FNDC3A: variants seen among roughly 807,000 people sequenced by gnomAD.
The protein encoded by FNDC3A is fibronectin type-III domain-containing protein 3A.
In FNDC3A, 32 loss-of-function variants were observed where a neutral mutation model predicts 148.9. That is an observed-to-expected ratio of 0.21 (90% CI 0.16 to 0.29). The LOEUF (loss-of-function observed/expected upper bound fraction) is 0.29, where lower values mean the gene tolerates loss of function less well. FNDC3A is among the 10% of genes least tolerant of loss of function. FNDC3A has a pLI of 1.00. For missense variants in FNDC3A, 1,191 were observed against 1,452.8 expected, an observed-to-expected ratio of 0.82 and a Z score of 2.93; for synonymous variants, 472 against 473.6, an observed-to-expected ratio of 1.00 and a Z score of 0.04.
chr13:49,152,154 T>C (rs1883340089), intron 8 of FNDC3A, among the ~76,000 whole-genome samples: 1 of 152,210 alleles, frequency 6.6e-6, no homozygotes. Context: ...ATCACCACAC[T>C]GTCTTCCACA....
At chr13:49,136,716 G>C in intron 6 of FNDC3A, 115 bp downstream of exon 6, 2 of 1,012,406 alleles carry the variant, frequency 2.0e-6, no homozygotes, top group African/African-American at 3.2e-5. Context: ...GACTGTTACA[G>C]GCTGCTGCTT....
intron 8 of FNDC3A, among the ~76,000 whole-genome samples, chr13:49,165,368 G>A (rs139266501): frequency 6.4e-4 from 98 of 152,294 alleles, no homozygotes; most frequent in Non-Finnish European, 9.3e-4. Context: ...TGTTGGTTGG[G>A]TAGAACACTT....
At chr13:49,102,281 G>A (rs959658563) in intron 3 of FNDC3A, among the ~76,000 whole-genome samples, 3 of 151,866 alleles carry the variant, frequency 2.0e-5, no homozygotes, top group African/African-American at 4.8e-5. Flanking sequence ...TTGTCTTTTG[G>A]AATGGGTTGA....
intron 1 of FNDC3A, among the ~76,000 whole-genome samples, chr13:49,001,198 TG>T (rs1270008576): frequency 6.6e-6 from 1 of 152,236 alleles, no homozygotes; most frequent in Admixed American, 6.5e-5. Flanking sequence ...TTCTTACGCC[TG>T]TATTTACTGC....
At chr13:48,989,393 G>A (rs543043172) in intron 1 of FNDC3A, among the ~76,000 whole-genome samples, 5 of 152,310 alleles carry the variant, frequency 3.3e-5, no homozygotes, top group African/African-American at 1.2e-4. Context: ...GCCTTCAAAT[G>A]ATACTGATGA....
At chr13:49,161,179 A>G (rs1593685166) in intron 8 of FNDC3A, among the ~76,000 whole-genome samples, 4 of 152,074 alleles carry the variant, frequency 2.6e-5, no homozygotes. Context: ...TATCCTTGTT[A>G]ACTTTCTGTC....
chr13:49,158,265 G>A (rs1883848555), intron 8 of FNDC3A, among the ~76,000 whole-genome samples: 1 of 152,192 alleles, frequency 6.6e-6, no homozygotes, highest in South Asian at 2.1e-4. Context: ...CAATATTCGG[G>A]AGGGAGTGAC....
At position 49,122,226 on chromosome 13, in the gene FNDC3A, A is replaced by G. The variant is rs547355223; in HGVS notation, c.252+7495A>G. ...TAAATCAATAAACGTAATCTATCAC[A>G]TAAACAGCACCAATGACAAAAATGA... On this transcript the variant is annotated intron_variant, in intron 4 of 25. Transcript: ENST00000492622. 5.3e-5 allele frequency among the ~76,000 whole-genome samples: 8 copies of G among 152,210 alleles called. No homozygotes were observed. The South Asian group carries it at 1.7e-3, about 31-fold the overall frequency.
At chr13:49,011,260 G>A (rs1440365191) in intron 2 of FNDC3A, among the ~76,000 whole-genome samples, 1 of 151,008 alleles carries the variant, frequency 6.6e-6, no homozygotes, top group Non-Finnish European at 1.5e-5. Flanking sequence ...TTGAGACAGG[G>A]TCTCGCTCTG....
At chr13:49,094,571 C>G (rs879565452) in intron 3 of FNDC3A, among the ~76,000 whole-genome samples, 8 of 152,070 alleles carry the variant, frequency 5.3e-5, no homozygotes, top group Admixed American at 5.2e-4. Flanking sequence ...TATTTGCAAT[C>G]ACTATTCCAA....
chr13:49,152,063 A>G (rs2137985978), intron 8 of FNDC3A, among the ~76,000 whole-genome samples: 1 of 152,238 alleles, frequency 6.6e-6, no homozygotes, highest in East Asian at 1.9e-4. Context: ...TTATGGTAGC[A>G]TGATTAATAA....
chr13:49,129,623 C>T (rs529811414), intron 4 of FNDC3A, among the ~76,000 whole-genome samples: 28 of 152,268 alleles, frequency 1.8e-4, no homozygotes, highest in African/African-American at 6.5e-4. Context: ...TCCCATCAAT[C>T]ATATATGTTT....
At chr13:49,098,563 A>G (rs1359677594) in intron 3 of FNDC3A, among the ~76,000 whole-genome samples, 1 of 152,194 alleles carries the variant, frequency 6.6e-6, no homozygotes, top group Non-Finnish European at 1.5e-5. Flanking sequence ...TGCACTAAAA[A>G]TAATTTCTTG....
At chr13:48,983,963 T>C (rs1014120681) in intron 1 of FNDC3A, among the ~76,000 whole-genome samples, 1 of 152,052 alleles carries the variant, frequency 6.6e-6, no homozygotes, top group Non-Finnish European at 1.5e-5. Context: ...ATAAATATAA[T>C]ACAAATACAA....
At chr13:49,006,429 G>T in intron 2 of FNDC3A, 140 bp downstream of exon 2, 2 of 495,630 alleles carry the variant, frequency 4.0e-6, no homozygotes, top group Non-Finnish European at 3.6e-6. Flanking sequence ...TTTATAAGAT[G>T]ATAAAAATAA....
At position 48,989,754 on chromosome 13, in the gene FNDC3A, C is replaced by CT. The variant is rs35947839; in HGVS notation, c.-40+13593dup. On this transcript the variant is annotated intron_variant, in intron 1 of 25. Coordinates refer to ENST00000492622, the MANE Select transcript of FNDC3A (RefSeq NM_001079673.2). The stretch of plus-strand genomic sequence containing the variant: ...TCATAATCAAATCACTTAAAGATAA[C>CT]TTTTTTTTTTTTTTTTGAGACAAAG... Among the ~76,000 whole-genome samples the CT allele has an allele frequency of 8.8e-3, 1,260 of 143,732 alleles. 6 individuals carry two copies. The highest frequency in any genetic ancestry group is 0.025 in the Middle Eastern group (7 of 280). The allele number at this position is 143,732 out of a possible 152,430, so 94.3% of individuals were successfully genotyped here. A position where few individuals can be genotyped will look rare whatever the true frequency, so the allele number is the denominator to read the frequency against.
intron 7 of FNDC3A, among the ~76,000 whole-genome samples, chr13:49,144,224 A>G (rs1272264358): frequency 2.0e-5 from 3 of 152,064 alleles, no homozygotes; most frequent in African/African-American, 4.8e-5. Context: ...CTCAGTTTCA[A>G]GTTAATAGCC....
chr13:49,205,385 T>C (rs1036407008), intron 25 of FNDC3A, among the ~76,000 whole-genome samples: 63 of 152,186 alleles, frequency 4.1e-4, no homozygotes, highest in Non-Finnish European at 3.2e-4. Flanking sequence ...ATGTATACAA[T>C]TTTACACTAC....
intron 2 of FNDC3A, among the ~76,000 whole-genome samples, chr13:49,018,023 C>G (rs1872961747): frequency 6.6e-6 from 1 of 152,082 alleles, no homozygotes; most frequent in African/African-American, 2.4e-5. Context: ...TTCTCTCTGG[C>G]TGCCCTTAAC....
Sources: allele counts gnomAD v4.1 joint callset (sites outside exome capture counted in the v4.1 genomes callset), GRCh38; gene constraint gnomAD v4.1.1; transcripts MANE v1.5; gene names NCBI Gene and HGNC (gene_info 2026-07-23, HGNC 2026-07-21).